Variants in FGF14 observed in about 807,000 individuals in gnomAD.
FGF14 encodes fibroblast growth factor 14, also known as fibroblast growth factor homologous factor 4.
Under a neutral mutation model 25.5 loss-of-function variants are expected in FGF14, and 5 were observed. The ratio of observed to expected loss-of-function variants is 0.20; its 90% CI spans 0.10 to 0.41. FGF14 has a LOEUF of 0.41. FGF14 is among the 10% of genes least tolerant of loss of function. The pLI is 1.00. For synonymous variants in FGF14, 138 were observed against 118.3 expected (o/e 1.17, Z -1.08); for missense variants, 222 against 320.1 (o/e 0.69, Z 2.34).
chr13:102,364,383 A>G (rs762136667), intron 1 of FGF14, among the ~76,000 whole-genome samples: 1 of 152,212 alleles, frequency 6.6e-6, no homozygotes, highest in Non-Finnish European at 1.5e-5. Flanking sequence ...GGTGGACTCA[A>G]TTCAGCCTTA....
At chr13:101,886,745 A>C (rs1190452017) in intron 1 of FGF14, among the ~76,000 whole-genome samples, 6 of 152,194 alleles carry the variant, frequency 3.9e-5, no homozygotes, top group African/African-American at 1.4e-4. Context: ...AGCCACCAAC[A>C]GAATGGAGAC....
chr13:102,239,363 T>C lies in FGF14; in HGVS notation c.208+162108A>G, dbSNP rs368208535. Among the ~76,000 whole-genome samples, 19 of 152,344 alleles carry C rather than the reference T, an allele frequency of 1.2e-4. No individual in the cohort carries two copies. The East Asian group carries it at 2.1e-3, about 17-fold the overall frequency. The stretch of plus-strand genomic sequence containing the variant: ...CAAATTATATTTGTTCCATTAGTGC[T>C]ACAGAAAAGTGTTTCTCAAACATTA... On this transcript the variant is annotated intron_variant, in intron 1 of 4. Transcript: ENST00000376131.
At chr13:102,157,260 C>T (rs1247664144) in intron 1 of FGF14, among the ~76,000 whole-genome samples, 2 of 152,200 alleles carry the variant, frequency 1.3e-5, no homozygotes, top group East Asian at 1.9e-4. Context: ...TCAAACTATA[C>T]TACAACGCTA....
chr13:102,218,116 T>C, intron 1 of FGF14, among the ~76,000 whole-genome samples: 1 of 152,094 alleles, frequency 6.6e-6, no homozygotes, highest in East Asian at 1.9e-4. Context: ...CAATTTTGCT[T>C]TGCCCAACTC....
At chr13:101,886,716 AC>A (rs1452978424) in intron 1 of FGF14, among the ~76,000 whole-genome samples, 1 of 152,136 alleles carries the variant, frequency 6.6e-6, no homozygotes, top group Non-Finnish European at 1.5e-5. Flanking sequence ...AAGCTGACAA[AC>A]TTTTGCACAG....
chr13:101,768,407 T>C (rs28526692), intron 3 of FGF14, among the ~76,000 whole-genome samples: 240 of 152,312 alleles, frequency 1.6e-3, no homozygotes, highest in African/African-American at 5.4e-3. Flanking sequence ...ACTTGATCTA[T>C]AGATTCAATT....
chr13:102,257,369 CGAGACG>C (rs2052499542), intron 1 of FGF14, among the ~76,000 whole-genome samples: 1 of 3,756 alleles, frequency 2.7e-4, no homozygotes, highest in Admixed American at 3.2e-3. Flanking sequence ...TTTTTTTTTT[CGAGACG>C]GAGTTTCACT....
intron 1 of FGF14, among the ~76,000 whole-genome samples, chr13:102,380,659 A>T (rs2058162302): frequency 6.6e-6 from 1 of 152,214 alleles, no homozygotes; most frequent in South Asian, 2.1e-4. Flanking sequence ...ACGTTTTGCA[A>T]GAGACATTTA....
exon 1 of FGF14, chr13:102,401,568 G>T: frequency 1.9e-6 from 3 of 1,614,094 alleles, no homozygotes; most frequent in Non-Finnish European, 2.5e-6. Context: ...ACATTGATTT[G>T]GGCGAAAAGC....
At chr13:102,124,878 C>T (rs888799698) in intron 1 of FGF14, among the ~76,000 whole-genome samples, 13 of 152,086 alleles carry the variant, frequency 8.5e-5, no homozygotes, top group African/African-American at 2.7e-4. Flanking sequence ...CTTATCTTTA[C>T]CTTCCTTCTC....
At chr13:102,076,075 CGTT>C (rs1467716490) in intron 1 of FGF14, among the ~76,000 whole-genome samples, 2 of 151,914 alleles carry the variant, frequency 1.3e-5, no homozygotes, top group African/African-American at 4.8e-5. Flanking sequence ...AAGGTTAATT[CGTT>C]ATTAAAGAAA....
At chr13:102,223,616 C>G (rs2050710428) in intron 1 of FGF14, among the ~76,000 whole-genome samples, 1 of 152,166 alleles carries the variant, frequency 6.6e-6, no homozygotes, top group African/African-American at 2.4e-5. Context: ...TTCAGAAGGA[C>G]TTTACTCCAC....
At chr13:102,218,912 T>C (rs904984257) in intron 1 of FGF14, among the ~76,000 whole-genome samples, 5 of 152,268 alleles carry the variant, frequency 3.3e-5, no homozygotes, top group Non-Finnish European at 5.9e-5. Context: ...AATATTCAAA[T>C]TGTCCTTTTT....
chr13:102,030,874 C>T (rs566043864), intron 1 of FGF14, among the ~76,000 whole-genome samples: 64 of 152,122 alleles, frequency 4.2e-4, no homozygotes, highest in Admixed American at 3.0e-3. Flanking sequence ...AGCGAATACT[C>T]GGTATGAATT....
intron 3 of FGF14, among the ~76,000 whole-genome samples, chr13:101,828,199 G>A (rs1398691257): frequency 3.3e-5 from 5 of 152,090 alleles, no homozygotes; most frequent in African/African-American, 1.2e-4. Flanking sequence ...TTCTTGTAAT[G>A]CAATAGTTGA....
intron 1 of FGF14, among the ~76,000 whole-genome samples, chr13:102,216,538 G>A (rs1464433885): frequency 6.6e-6 from 1 of 151,946 alleles, no homozygotes; most frequent in African/African-American, 2.4e-5. Context: ...TTTTAAGATT[G>A]GCACATCATA....
intron 1 of FGF14, among the ~76,000 whole-genome samples, chr13:102,330,196 G>C (rs1225232080): frequency 6.6e-6 from 1 of 152,150 alleles, no homozygotes; most frequent in African/African-American, 2.4e-5. Flanking sequence ...CTCAAGATCT[G>C]ATTTTGCCTT....
intron 1 of FGF14, among the ~76,000 whole-genome samples, chr13:102,093,813 T>TAA (rs141719540): frequency 0.37 from 53,059 of 143,858 alleles, 11,687 homozygotes; most frequent in Non-Finnish European, 0.5. Context: ...GATCATTGTT[T>TAA]AAAAAAAAAA....
At chr13:102,033,017 C>T (rs2041287333) in intron 1 of FGF14, among the ~76,000 whole-genome samples, 1 of 152,092 alleles carries the variant, frequency 6.6e-6, no homozygotes, top group Admixed American at 6.6e-5. Context: ...TTGACCACAG[C>T]TGTGTATTCA....
Sources: allele counts gnomAD v4.1 joint callset (sites outside exome capture counted in the v4.1 genomes callset), GRCh38; gene constraint gnomAD v4.1.1; transcripts MANE v1.5; gene names NCBI Gene and HGNC (gene_info 2026-07-23, HGNC 2026-07-21).